The following CHRM3 variants were observed in gnomAD, a reference collection of about 807,000 sequenced individuals.
The protein encoded by CHRM3 is cholinergic receptor muscarinic 3, also known as muscarinic acetylcholine receptor M3.
In CHRM3, 11 loss-of-function variants were observed where a neutral mutation model predicts 41.8. That is an observed-to-expected ratio of 0.26 (90% confidence interval 0.17 to 0.44). The LOEUF (loss-of-function observed/expected upper bound fraction) is 0.44, where lower values mean the gene tolerates loss of function less well. Among genes scored for constraint, CHRM3 ranks in the 20% least tolerant of loss-of-function variants. The pLI is 1.00. For missense variants in CHRM3, 571 were observed against 745.4 expected (o/e 0.77, Z 2.72); for synonymous variants, 297 against 301.4 (o/e 0.99, Z 0.15).
intron 5 of CHRM3, among the ~76,000 whole-genome samples, chr1:239,821,352 G>A (rs996567856): frequency 6.6e-6 from 1 of 152,226 alleles, no homozygotes; most frequent in Non-Finnish European, 1.5e-5. Flanking sequence ...TGGGGTAGGT[G>A]TGAGCTGTGT....
At chr1:239,774,110 C>A (rs1667902804) in intron 5 of CHRM3, among the ~76,000 whole-genome samples, 1 of 152,136 alleles carries the variant, frequency 6.6e-6, no homozygotes. Context: ...ACCAAGGTAA[C>A]CTAACCTAAA....
intron 1 of CHRM3, among the ~76,000 whole-genome samples, chr1:239,400,337 T>TA (rs1659861103): frequency 6.6e-6 from 1 of 152,232 alleles, no homozygotes. Flanking sequence ...GACTTCCTTA[T>TA]ATGTTCTGGT....
chr1:239,808,590 T>A (rs12063454), intron 5 of CHRM3, among the ~76,000 whole-genome samples: 44,149 of 152,088 alleles, frequency 0.29, 7,839 homozygotes, highest in African/African-American at 0.51. Context: ...TAGCGATAGT[T>A]TTTGCCATAT....
intron 3 of CHRM3, among the ~76,000 whole-genome samples, chr1:239,603,743 C>T (rs1337038815): frequency 1.3e-5 from 2 of 151,838 alleles, no homozygotes; most frequent in Admixed American, 6.6e-5. Flanking sequence ...GTCATGAGTG[C>T]GTGGGTGTTA....
At chr1:239,435,491 C>G (rs1240212085) in intron 1 of CHRM3, among the ~76,000 whole-genome samples, 1 of 151,322 alleles carries the variant, frequency 6.6e-6, no homozygotes, top group Non-Finnish European at 1.5e-5. Flanking sequence ...AAAATCTTCT[C>G]TCACTACTGC....
At chr1:239,767,798 G>A (rs1667340606) in intron 5 of CHRM3, among the ~76,000 whole-genome samples, 1 of 152,134 alleles carries the variant, frequency 6.6e-6, no homozygotes, top group African/African-American at 2.4e-5. Context: ...GATCTACCTG[G>A]TTTTCCAAGC....
chr1:239,864,104 G>C (rs1675870340), intron 6 of CHRM3, among the ~76,000 whole-genome samples: 1 of 152,024 alleles, frequency 6.6e-6, no homozygotes, highest in African/African-American at 2.4e-5. Context: ...ACTCAGTTGG[G>C]TGAGATGGCA....
chr1:239,427,448 A>C (rs1202917421), intron 1 of CHRM3, among the ~76,000 whole-genome samples: 1 of 152,094 alleles, frequency 6.6e-6, no homozygotes, highest in Non-Finnish European at 1.5e-5. Context: ...CCTTAGCCTC[A>C]GTAGAGGAAC....
At chr1:239,639,559 C>T (rs1670869848) in intron 4 of CHRM3, among the ~76,000 whole-genome samples, 1 of 151,838 alleles carries the variant, frequency 6.6e-6, no homozygotes, top group Non-Finnish European at 1.5e-5. Flanking sequence ...ATTTGGCTCT[C>T]TGTTTGTCTG....
intron 3 of CHRM3, among the ~76,000 whole-genome samples, chr1:239,603,734 T>G (rs1376588340): frequency 6.6e-6 from 1 of 152,026 alleles, no homozygotes; most frequent in Non-Finnish European, 1.5e-5. Flanking sequence ...CTAAGCTGAG[T>G]CATGAGTGCG....
At chr1:239,467,575 C>G (rs538248130) in intron 1 of CHRM3, among the ~76,000 whole-genome samples, 1 of 152,306 alleles carries the variant, frequency 6.6e-6, no homozygotes, top group African/African-American at 2.4e-5. Context: ...GCTGGAATCA[C>G]AGGTGTGAGC....
chr1:239,711,923 A>G (rs1232335199), intron 5 of CHRM3, among the ~76,000 whole-genome samples: 3 of 152,092 alleles, frequency 2.0e-5, no homozygotes, highest in Non-Finnish European at 4.4e-5. Flanking sequence ...CTCAAACTCC[A>G]CATCCAGCCC....
At chr1:239,788,155 G>A (rs933432291) in intron 5 of CHRM3, among the ~76,000 whole-genome samples, 3 of 152,102 alleles carry the variant, frequency 2.0e-5, no homozygotes, top group Non-Finnish European at 2.9e-5. Flanking sequence ...AGGATCACTT[G>A]AGCCCAGGAG....
intron 5 of CHRM3, among the ~76,000 whole-genome samples, chr1:239,781,284 TAGTTTCAG>T (rs1272820198): frequency 2.6e-5 from 4 of 152,172 alleles, no homozygotes; most frequent in South Asian, 2.1e-4. Flanking sequence ...ACAGCTTTTA[TAGTTTCAG>T]AGTTTCAGAG....
intron 4 of CHRM3, among the ~76,000 whole-genome samples, chr1:239,643,100 C>T (rs1449980343): frequency 1.3e-5 from 2 of 152,138 alleles, no homozygotes; most frequent in Admixed American, 1.3e-4. Context: ...ATCCGCGAAT[C>T]CTGCTGTCTG....
rs146975292 is a variant in CHRM3, at chr1:239,684,234, A to G, written c.-147+5946A>G. Among the ~76,000 whole-genome samples the G allele has an allele frequency of 9.9e-4, 151 of 152,226 alleles. 2 individuals are homozygous for G. The East Asian group carries it at 0.025, about 26-fold the overall frequency. ...TAATTTGCTGTTACAGGGCACTGCT[A>G]TGGCCCAGTCCCTGGGTGAGTCCCC... On this transcript the variant is annotated intron_variant, in intron 5 of 6. Coordinates refer to ENST00000676153, the MANE Select transcript of CHRM3 (RefSeq NM_001375978.1).
intron 5 of CHRM3, among the ~76,000 whole-genome samples, chr1:239,795,662 A>G (rs1669707584): frequency 6.6e-6 from 1 of 152,204 alleles, no homozygotes; most frequent in Non-Finnish European, 1.5e-5. Context: ...AAAGAACTTT[A>G]TTGATCTATG....
At chr1:239,458,157 G>GTT (rs1665091692) in intron 1 of CHRM3, among the ~76,000 whole-genome samples, 1 of 152,198 alleles carries the variant, frequency 6.6e-6, no homozygotes, top group Admixed American at 6.5e-5. Flanking sequence ...TAAGAAAAGA[G>GTT]TAGAATGTAT....
At chr1:239,527,257 T>G (rs547185229) in intron 2 of CHRM3, among the ~76,000 whole-genome samples, 16 of 152,334 alleles carry the variant, frequency 1.1e-4, no homozygotes, top group Admixed American at 4.6e-4. Flanking sequence ...GATTGAATAA[T>G]GTTTATTGGC....
Sources: gnomAD v4.1 joint callset for allele counts (sites outside exome capture counted in the v4.1 genomes callset) on GRCh38, gnomAD v4.1.1 for gene constraint, MANE v1.5 for transcripts, NCBI Gene and HGNC (gene_info 2026-07-23, HGNC 2026-07-21) for gene names.